The following UGGT2 variants were observed in gnomAD, a reference collection of about 807,000 sequenced individuals.
UGGT2 encodes the protein UDP-glucose:glycoprotein glucosyltransferase 2.
Under a neutral mutation model 192.1 loss-of-function variants are expected in UGGT2, and 180 were observed. That is an observed-to-expected ratio of 0.94 (90% CI 0.83 to 1.06). The LOEUF is 1.06. Among genes scored for constraint, UGGT2 ranks in the 50% least tolerant of loss-of-function variants. UGGT2 has a pLI of 0.00. For missense variants in UGGT2, 1,849 were observed against 1,795.7 expected, an observed-to-expected ratio of 1.03 and a Z score of -0.54; for synonymous variants, 580 against 591.0, an observed-to-expected ratio of 0.98 and a Z score of 0.27.
At chr13:95,963,445 A>G (rs993288905) in intron 12 of UGGT2, among the ~76,000 whole-genome samples, 1 of 152,162 alleles carries the variant, frequency 6.6e-6, no homozygotes. Context: ...AGCTAACATC[A>G]TACGCACTGT....
chr13:95,872,398 T>G (rs2140138543), intron 29 of UGGT2, among the ~76,000 whole-genome samples: 2 of 152,310 alleles, frequency 1.3e-5, no homozygotes, highest in South Asian at 4.1e-4. Context: ...ACTTAGAAAC[T>G]CATATCAATA....
At chr13:95,868,668 T>TA (rs1160550206) in intron 29 of UGGT2, among the ~76,000 whole-genome samples, 3 of 152,156 alleles carry the variant, frequency 2.0e-5, no homozygotes, top group African/African-American at 7.2e-5. Context: ...TCAAATTTCT[T>TA]AAAAACTTTC....
chr13:95,856,552 A>C (rs1889637520), intron 33 of UGGT2: 1 of 515,164 alleles, frequency 1.9e-6, no homozygotes, highest in South Asian at 2.5e-5. Context: ...AAACTATATA[A>C]TTTAACGTCA....
chr13:96,011,433 C>A (rs1399872587), intron 5 of UGGT2, among the ~76,000 whole-genome samples: 1 of 151,966 alleles, frequency 6.6e-6, no homozygotes, highest in African/African-American at 2.4e-5. Flanking sequence ...CAGACAACTT[C>A]ATTAGTCATT....
intron 9 of UGGT2, among the ~76,000 whole-genome samples, chr13:95,985,674 T>A (rs1265287214): frequency 6.6e-6 from 1 of 152,184 alleles, no homozygotes; most frequent in Non-Finnish European, 1.5e-5. Context: ...AATTTTATAC[T>A]CTGTCATCCC....
At chr13:95,902,708 T>C in intron 21 of UGGT2, 146 bp downstream of exon 21, 1 of 787,284 alleles carries the variant, frequency 1.3e-6, no homozygotes, top group Non-Finnish European at 2.0e-6. Context: ...TCATTTAATG[T>C]TTATCTTTTC....
At chr13:95,936,560 G>A (rs746361639) in intron 17 of UGGT2, among the ~76,000 whole-genome samples, 53 of 152,224 alleles carry the variant, frequency 3.5e-4, no homozygotes, top group Non-Finnish European at 6.3e-4. Flanking sequence ...CACTGAGGGA[G>A]AATACAGTGG....
chr13:95,812,791 T>C (rs1194937607), intron 38 of UGGT2, among the ~76,000 whole-genome samples: 1 of 152,148 alleles, frequency 6.6e-6, no homozygotes, highest in Non-Finnish European at 1.5e-5. Flanking sequence ...GCTTTCACCA[T>C]GTGATATGCC....
intron 4 of UGGT2, among the ~76,000 whole-genome samples, chr13:96,015,425 G>C (rs1334789313): frequency 6.6e-6 from 1 of 152,128 alleles, no homozygotes; most frequent in East Asian, 1.9e-4. Flanking sequence ...CATTTGCTGA[G>C]TCTGTAATCG....
chr13:95,845,932 C>G (rs946115592), intron 36 of UGGT2, among the ~76,000 whole-genome samples: 1 of 151,310 alleles, frequency 6.6e-6, no homozygotes, highest in Non-Finnish European at 1.5e-5. Context: ...GGACTCCTCA[C>G]TTCCCAGACT....
chr13:95,981,138 G>A (rs1273404551), intron 10 of UGGT2, among the ~76,000 whole-genome samples: 1 of 152,166 alleles, frequency 6.6e-6, no homozygotes, highest in African/African-American at 2.4e-5. Flanking sequence ...CAGGAGCTCT[G>A]CAGTACCCCC....
intron 2 of UGGT2, among the ~76,000 whole-genome samples, chr13:96,024,185 G>A (rs899404413): frequency 1.3e-5 from 2 of 152,164 alleles, no homozygotes; most frequent in African/African-American, 2.4e-5. Flanking sequence ...AGTGCCAATA[G>A]CCAAGTATAA....
chr13:96,051,205 C>T (rs1231270565), intron 1 of UGGT2, among the ~76,000 whole-genome samples: 5 of 152,142 alleles, frequency 3.3e-5, no homozygotes, highest in African/African-American at 4.8e-5. Flanking sequence ...AGCTGGAAAC[C>T]ATCATTCTCA....
chr13:95,943,762 T>C (rs1301403136), intron 15 of UGGT2, among the ~76,000 whole-genome samples: 1 of 152,008 alleles, frequency 6.6e-6, no homozygotes, highest in East Asian at 1.9e-4. Context: ...TTTAAATATT[T>C]TAAATGAGTA....
chr13:95,827,899 C>T (rs1445961297), intron 38 of UGGT2, among the ~76,000 whole-genome samples: 2 of 152,114 alleles, frequency 1.3e-5, no homozygotes, highest in Non-Finnish European at 2.9e-5. Context: ...CTGACACCAA[C>T]CAGTTTGAAG....
intron 1 of UGGT2, among the ~76,000 whole-genome samples, chr13:96,048,952 A>G (rs1389825788): frequency 3.4e-5 from 5 of 147,386 alleles, no homozygotes; most frequent in Non-Finnish European, 7.7e-5. Context: ...AATTGATACA[A>G]AAAAAGGGAA....
intron 38 of UGGT2, among the ~76,000 whole-genome samples, chr13:95,830,971 C>G (rs542816131): frequency 1.9e-4 from 29 of 152,238 alleles, no homozygotes; most frequent in Non-Finnish European, 3.8e-4. Flanking sequence ...AGTTCATGTC[C>G]TTTGTAGGGA....
At chr13:95,850,581 T>C (rs1888939125) in intron 36 of UGGT2, among the ~76,000 whole-genome samples, 1 of 152,176 alleles carries the variant, frequency 6.6e-6, no homozygotes, top group African/African-American at 2.4e-5. Flanking sequence ...CTGGCAGAGA[T>C]GGAGACTGTG....
chr13:95,949,561 T>G, intron 12 of UGGT2, 107 bp from the exon 13 acceptor site: 1 of 1,130,248 alleles, frequency 8.8e-7, no homozygotes, highest in Non-Finnish European at 1.2e-6. Flanking sequence ...TAGAATTTTC[T>G]ATATTTCTGA....
Sources: gnomAD v4.1 joint callset for allele counts (sites outside exome capture counted in the v4.1 genomes callset) on GRCh38, gnomAD v4.1.1 for gene constraint, MANE v1.5 for transcripts, NCBI Gene and HGNC (gene_info 2026-07-23, HGNC 2026-07-21) for gene names.